The following LCMT1 variants were observed in gnomAD, a reference collection of about 807,000 sequenced individuals.
The protein encoded by LCMT1 is leucine carboxyl methyltransferase 1, also known as [Phosphatase 2A protein]-leucine-carboxy methyltransferase 1.
A neutral mutation model predicts 47.7 loss-of-function variants in LCMT1; 32 were observed. The observed-to-expected ratio is 0.67, with a 90% CI of 0.51 to 0.90. LCMT1 has a LOEUF of 0.90. Among genes scored for constraint, LCMT1 ranks in the 40% least tolerant of loss-of-function variants. The probability of loss-of-function intolerance (pLI) is 0.00; values close to 1 mark genes in which losing one functional copy is unlikely to be tolerated. For missense variants in LCMT1, 375 were observed against 415.2 expected, an observed-to-expected ratio of 0.90 and a Z score of 0.84; for synonymous variants, 152 against 149.7, an observed-to-expected ratio of 1.02 and a Z score of -0.11.
intron 3 of LCMT1, among the ~76,000 whole-genome samples, chr16:25,137,644 G>C (rs1052151781): frequency 2.0e-5 from 3 of 151,754 alleles, no homozygotes; most frequent in African/African-American, 7.3e-5. Flanking sequence ...GGGTCTTGCT[G>C]TGTTGCCCAG....
At chr16:25,122,781 A>G (rs1300987687) in intron 1 of LCMT1, among the ~76,000 whole-genome samples, 2 of 151,756 alleles carry the variant, frequency 1.3e-5, no homozygotes, top group African/African-American at 4.8e-5. Context: ...TCTTGGTTCA[A>G]CTTGTACAGT....
intron 1 of LCMT1, among the ~76,000 whole-genome samples, chr16:25,117,743 T>C (rs554677877): frequency 3.9e-5 from 6 of 152,014 alleles, no homozygotes; most frequent in Admixed American, 3.3e-4. Context: ...ATCTCAGCTA[T>C]TGGGAGGCTG....
At chr16:25,175,182 C>G in intron 10 of LCMT1, 148 bp downstream of exon 10, 1 of 593,956 alleles carries the variant, frequency 1.7e-6, no homozygotes. Flanking sequence ...CGCTCTGTCA[C>G]CCAGGCTAGA....
intron 3 of LCMT1, among the ~76,000 whole-genome samples, chr16:25,136,569 C>T (rs1001997897): frequency 2.0e-5 from 3 of 151,826 alleles, no homozygotes; most frequent in Non-Finnish European, 4.4e-5. Context: ...CCCATCAACC[C>T]GTCAGAGTCT....
At chr16:25,176,972 G>T (rs563710822) in intron 10 of LCMT1, among the ~76,000 whole-genome samples, 3 of 151,436 alleles carry the variant, frequency 2.0e-5, no homozygotes, top group African/African-American at 7.3e-5. Flanking sequence ...CTGAGGTCAG[G>T]AGTTCGAAAC....
chr16:25,170,299 T>G (rs1961716970), intron 8 of LCMT1, among the ~76,000 whole-genome samples: 1 of 152,190 alleles, frequency 6.6e-6, no homozygotes, highest in Non-Finnish European at 1.5e-5. Context: ...TAAAAAACTG[T>G]CACTCATAGA....
chr16:25,151,495 C>T, intron 4 of LCMT1, 59 bp from the exon 5 acceptor site: 1 of 1,367,386 alleles, frequency 7.3e-7, no homozygotes, highest in South Asian at 1.2e-5. Context: ...TAAATGAGCT[C>T]ATGAGTAAAT....
chr16:25,134,946 G>T (rs555361934), intron 3 of LCMT1, among the ~76,000 whole-genome samples: 1 of 152,276 alleles, frequency 6.6e-6, no homozygotes, highest in Admixed American at 6.5e-5. Flanking sequence ...TGTGGTGTGA[G>T]GAACCAGAGC....
Position 25,168,810 on chromosome 16 carries a change from A to T in LCMT1, c.691-302A>T, listed in dbSNP as rs529363905. Among the ~76,000 whole-genome samples, 173 of 152,220 alleles carry T rather than the reference A, an allele frequency of 1.1e-3. 1 individual carries two copies. The highest frequency in any genetic ancestry group is 2.2e-3 in the Non-Finnish European group (148 of 68,044). ...TATTATACCTAATGCTGTGATAAAC[A>T]TTCTTGCATCTTAGCATACATGTGG... On this transcript the variant is annotated intron_variant, in intron 7 of 10. Coordinates refer to ENST00000399069, the MANE Select transcript of LCMT1 (RefSeq NM_016309.3).
chr16:25,151,989 G>A (rs1291835035), intron 5 of LCMT1, among the ~76,000 whole-genome samples: 2 of 152,186 alleles, frequency 1.3e-5, no homozygotes, highest in Non-Finnish European at 2.9e-5. Flanking sequence ...CTGTGTATGT[G>A]TGCAGTTGAG....
intron 5 of LCMT1, among the ~76,000 whole-genome samples, chr16:25,158,064 T>C (rs184281770): frequency 6.6e-6 from 1 of 152,272 alleles, no homozygotes; most frequent in African/African-American, 2.4e-5. Flanking sequence ...CTGAGATGCG[T>C]GCCCTGTAGG....
intron 4 of LCMT1, chr16:25,142,939 C>A (rs1960738500): frequency 6.6e-6 from 1 of 152,018 alleles, no homozygotes; most frequent in African/African-American, 2.4e-5. Context: ...GCTAGTGATT[C>A]CTTGTGAGTT....
At position 25,178,065 on chromosome 16, in the gene LCMT1, G is replaced by GC. The variant is rs1288182643; in HGVS notation, c.*45dup. The GC allele has an allele frequency of 6.2e-7, 1 of 1,610,084 alleles. No individual in the cohort carries two copies. Among genetic ancestry groups the GC allele is most frequent in the South Asian group, 1.1e-5 (1 of 90,696 alleles). ...GCCGAGCCAGAAGCCGAAGCCACTTGCCCTCCTGGAGGAGACCTGCAAGCT... is the reference window on the plus strand; with the variant it reads ...GCCGAGCCAGAAGCCGAAGCCACTTGCCCCTCCTGGAGGAGACCTGCAAGCT... On this transcript the variant is annotated 3_prime_UTR_variant, in exon 11 of 11. Transcript: ENST00000399069.
intron 2 of LCMT1, among the ~76,000 whole-genome samples, chr16:25,131,021 G>C (rs1377620550): frequency 6.6e-6 from 1 of 152,192 alleles, no homozygotes; most frequent in East Asian, 1.9e-4. Flanking sequence ...TAGTGTTAAT[G>C]ACACTATTAG....
chr16:25,113,363 G>A (rs761153986), intron 1 of LCMT1, among the ~76,000 whole-genome samples: 1 of 152,174 alleles, frequency 6.6e-6, no homozygotes, highest in Non-Finnish European at 1.5e-5. Context: ...TTCAGAGCAT[G>A]GATTCTGGAG....
intron 4 of LCMT1, among the ~76,000 whole-genome samples, chr16:25,150,333 GTTTTTTTTTT>G (rs35240331): frequency 2.1e-5 from 2 of 93,526 alleles, no homozygotes; most frequent in East Asian, 3.8e-4. Flanking sequence ...TAGTTTTCTG[GTTTTTTTTTT>G]TTTTTTTTTT....
At position 25,111,909 on chromosome 16, in the gene LCMT1, C is replaced by CT. The variant is rs766088369; in HGVS notation, c.27dup (p.Ile10TyrfsTer39). The CT allele has an allele frequency of 1.2e-6, 2 of 1,613,210 alleles. No individual in the cohort carries two copies. Among genetic ancestry groups the CT allele is most frequent in the Non-Finnish European group, 1.7e-6 (2 of 1,179,482 alleles). On this transcript the variant is annotated frameshift_variant, in exon 1 of 11. Transcript: ENST00000399069. LOFTEE classifies it high-confidence loss of function. ...ATGGCCACTAGGCAGAGGGAATCCT[C>CT]TATCACCTCCTGCTGTTCCACCTCG...
intron 10 of LCMT1, 115 bp from the exon 11 acceptor site, chr16:25,177,886 T>TA: frequency 1.2e-6 from 1 of 843,306 alleles, no homozygotes; most frequent in Admixed American, 1.9e-5. Flanking sequence ...AGGGCGGTGC[T>TA]ACAGTGGTCA....
At chr16:25,177,166 C>T (rs1019168425) in intron 10 of LCMT1, among the ~76,000 whole-genome samples, 6 of 150,326 alleles carry the variant, frequency 4.0e-5, no homozygotes, top group African/African-American at 9.8e-5. Flanking sequence ...GGCAACAGAG[C>T]GCGACTCTGT....
Sources: allele counts gnomAD v4.1 joint callset (sites outside exome capture counted in the v4.1 genomes callset), GRCh38; gene constraint gnomAD v4.1.1; transcripts MANE v1.5; gene names NCBI Gene and HGNC (gene_info 2026-07-23, HGNC 2026-07-21).